Variants in KIRREL3 observed in about 807,000 individuals in gnomAD.
The protein encoded by KIRREL3 is kirre like nephrin family adhesion molecule 3.
Under a neutral mutation model 89.7 loss-of-function variants are expected in KIRREL3, and 36 were observed. The ratio of observed to expected loss-of-function variants is 0.40; its 90% CI spans 0.31 to 0.53. The LOEUF (loss-of-function observed/expected upper bound fraction) is 0.53, where lower values mean the gene tolerates loss of function less well. KIRREL3 is among the 20% of genes least tolerant of loss of function. KIRREL3 has a pLI of 0.49. For synonymous variants in KIRREL3, 445 were observed against 441.4 expected, an observed-to-expected ratio of 1.01 and a Z score of -0.10; for missense variants, 864 against 1,056.6, an observed-to-expected ratio of 0.82 and a Z score of 2.53.
In KIRREL3 at chr11:126,562,692, T is replaced by C; in HGVS notation, c.133+143A>G. 1.7e-6 allele frequency: 1 copy of C among 602,082 alleles called. No individual in the cohort carries two copies. Among genetic ancestry groups the C allele is most frequent in the East Asian group, 2.8e-5 (1 of 35,090 alleles). The allele number at this position is 602,082 out of a possible 1,614,324, so 37.3% of individuals were successfully genotyped here. Reference sequence around the variant, plus strand: ...TTCCCCATGTGATTGTACAAATGGCTTCATGGAAACCAAACTGGTCTTCCC... The same window carrying C: ...TTCCCCATGTGATTGTACAAATGGCCTCATGGAAACCAAACTGGTCTTCCC... On this transcript the variant is annotated intron_variant, in intron 2 of 16. Transcript: ENST00000525144. The surrounding 1 kb of genome is among the most constrained non-coding windows in gnomAD (Gnocchi z 4.7).
Position 126,703,295 on chromosome 11 carries a change from G to A in KIRREL3, c.56-140383C>T, listed in dbSNP as rs551891472. On this transcript the variant is annotated intron_variant, in intron 1 of 16. Coordinates refer to ENST00000525144, the MANE Select transcript of KIRREL3 (RefSeq NM_032531.4). The surrounding 1 kb of genome is among the most constrained non-coding windows in gnomAD (Gnocchi z 4.6). Reference sequence around the variant, plus strand: ...AAGGCTTACCATTTGCATGGTCTGCGGAGGAATGGTGCTCCTGAGAGCTGT... The same window carrying A: ...AAGGCTTACCATTTGCATGGTCTGCAGAGGAATGGTGCTCCTGAGAGCTGT... Among the ~76,000 whole-genome samples, 118 of 152,354 alleles carry A rather than the reference G, an allele frequency of 7.7e-4. No homozygotes were observed. The highest frequency in any genetic ancestry group is 2.6e-3 in the African/African-American group (109 of 41,586).
intron 1 of KIRREL3, among the ~76,000 whole-genome samples, chr11:126,567,796 C>G (rs926062763): frequency 1.3e-5 from 2 of 150,474 alleles, no homozygotes; most frequent in African/African-American, 4.8e-5. Context: ...TTGGCCAGGA[C>G]AGCACTTGCT....
intron 4 of KIRREL3, among the ~76,000 whole-genome samples, chr11:126,479,313 C>T (rs1007867159): frequency 5.3e-5 from 8 of 152,196 alleles, no homozygotes; most frequent in African/African-American, 1.7e-4. Flanking sequence ...GCCCTCCTGC[C>T]TCCCTCCCTC....
In KIRREL3 at chr11:126,890,241, C is replaced by G. The variant is rs191467743; in HGVS notation, c.55+110214G>C. ...GGCAGGTTCATGAAAGAGAAAGGGT[C>G]TTCTTCCTGAGCAGCCTTCCGAGAG... On this transcript the variant is annotated intron_variant, in intron 1 of 16. Coordinates refer to ENST00000525144, the MANE Select transcript of KIRREL3 (RefSeq NM_032531.4). This position sits in a 1 kb window ranked among gnomAD's most constrained non-coding sequence, Gnocchi z 5.1. 1.3e-5 allele frequency among the ~76,000 whole-genome samples: 2 copies of G among 152,228 alleles called. No homozygotes were observed. Among genetic ancestry groups the G allele is most frequent in the African/African-American group, 4.8e-5 (2 of 41,540 alleles).
At position 126,431,774 on chromosome 11, in the gene KIRREL3, G is replaced by A. The variant is rs1434584828; in HGVS notation, c.1589-248C>T. On this transcript the variant is annotated intron_variant, in intron 13 of 16. Coordinates refer to ENST00000525144, the MANE Select transcript of KIRREL3 (RefSeq NM_032531.4). This position sits in a 1 kb window ranked among gnomAD's most constrained non-coding sequence, Gnocchi z 7.1. ...AGAGGGCAGGGGAACTGAGGTAAAGGGCAGAGGAAGGAGAGCGAGGCAGGC... is the reference window on the plus strand; with the variant it reads ...AGAGGGCAGGGGAACTGAGGTAAAGAGCAGAGGAAGGAGAGCGAGGCAGGC... 6.6e-6 allele frequency among the ~76,000 whole-genome samples: 1 copy of A among 152,092 alleles called. No individual in the cohort carries two copies. Among genetic ancestry groups the A allele is most frequent in the Non-Finnish European group, 1.5e-5 (1 of 68,012 alleles).
chr11:126,986,134 T>C (rs933549534), intron 1 of KIRREL3, among the ~76,000 whole-genome samples: 1 of 152,148 alleles, frequency 6.6e-6, no homozygotes, highest in African/African-American at 2.4e-5. Flanking sequence ...AGGGGGCCTT[T>C]AAATCTGTGG....
intron 1 of KIRREL3, among the ~76,000 whole-genome samples, chr11:126,835,311 A>T (rs1943743096): frequency 6.6e-6 from 1 of 152,232 alleles, no homozygotes. Flanking sequence ...ATGCTAAGGT[A>T]TAGCCAAGGA....
rs1408439843 is a variant in KIRREL3 at position 126,812,080 on chromosome 11, T to C, written c.55+188375A>G. Among the ~76,000 whole-genome samples the C allele has an allele frequency of 2.0e-5, 3 of 152,212 alleles. No homozygotes were observed. The highest frequency in any genetic ancestry group is 2.9e-5 in the Non-Finnish European group (2 of 68,040). On this transcript the variant is annotated intron_variant, in intron 1 of 16. Coordinates refer to ENST00000525144, the MANE Select transcript of KIRREL3 (RefSeq NM_032531.4). The surrounding 1 kb of genome is among the most constrained non-coding windows in gnomAD (Gnocchi z 5.2). ...AGAGAATCTTCAAACTCAATATGCA[T>C]AAGAACAATTTATCCTGATGACCAG...
intron 1 of KIRREL3, among the ~76,000 whole-genome samples, chr11:126,957,732 A>G (rs1948966222): frequency 6.6e-6 from 1 of 152,200 alleles, no homozygotes; most frequent in Non-Finnish European, 1.5e-5. Flanking sequence ...AGAGAGCTCT[A>G]AGGTCAGGTC....
At chr11:126,721,320 C>G (rs1451941157) in intron 1 of KIRREL3, among the ~76,000 whole-genome samples, 1 of 152,008 alleles carries the variant, frequency 6.6e-6, no homozygotes, top group Non-Finnish European at 1.5e-5. Flanking sequence ...CATCTGAGGT[C>G]GGGAGTTCGA....
In KIRREL3 at chr11:126,606,978, G is replaced by T. The variant is rs1259673840; in HGVS notation, c.56-44066C>A. On this transcript the variant is annotated intron_variant, in intron 1 of 16. Transcript: ENST00000525144. The surrounding 1 kb of genome is among the most constrained non-coding windows in gnomAD (Gnocchi z 4.6). ...GCTGAAGTAAGCAGCTTTGGAACCT[G>T]CCTATCACATGGCCGGGTATTCCAG... is the stretch of plus-strand genomic sequence containing the variant. 6.6e-6 allele frequency among the ~76,000 whole-genome samples: 1 copy of T among 152,138 alleles called. No individual in the cohort carries two copies.
chr11:126,979,075 T>G (rs1949655181), intron 1 of KIRREL3, among the ~76,000 whole-genome samples: 1 of 152,186 alleles, frequency 6.6e-6, no homozygotes, highest in Non-Finnish European at 1.5e-5. Flanking sequence ...CAAACAGCTA[T>G]TAAGGACATA....
At chr11:126,657,063 A>G (rs1398333900) in intron 1 of KIRREL3, among the ~76,000 whole-genome samples, 1 of 152,064 alleles carries the variant, frequency 6.6e-6, no homozygotes, top group Non-Finnish European at 1.5e-5. Flanking sequence ...CTCAAAAAAA[A>G]AGAAACAAAA....
In KIRREL3 at chr11:126,762,071, C is replaced by A. The variant is rs1218803111; in HGVS notation, c.56-199159G>T. On this transcript the variant is annotated intron_variant, in intron 1 of 16. Coordinates refer to ENST00000525144, the MANE Select transcript of KIRREL3 (RefSeq NM_032531.4). ...GTGTGCAACTGGCTACCACCAGTTG[C>A]ATGTTGAGGCATGAGAATCACGGAA... Among the ~76,000 whole-genome samples the A allele has an allele frequency of 2.0e-5, 3 of 152,064 alleles. No homozygotes were observed. In the East Asian group the frequency reaches 5.8e-4, roughly 29 times the overall value.
Position 126,535,827 on chromosome 11 carries a change from A to G in KIRREL3, c.134-9140T>C, listed in dbSNP as rs1222931653. Among the ~76,000 whole-genome samples the G allele has an allele frequency of 6.6e-6, 1 of 152,182 alleles. No homozygotes were observed. The highest frequency in any genetic ancestry group is 1.5e-5 in the Non-Finnish European group (1 of 68,032). On this transcript the variant is annotated intron_variant, in intron 2 of 16. Coordinates refer to ENST00000525144, the MANE Select transcript of KIRREL3 (RefSeq NM_032531.4). This position sits in a 1 kb window ranked among gnomAD's most constrained non-coding sequence, Gnocchi z 4.5. ...TGGTGAAACCCCGTCTCTACTAAAA[A>G]TACAAAAATTAGCGGGACATGGTGG... is the stretch of plus-strand genomic sequence containing the variant.
rs997597468 is a variant in KIRREL3 at position 126,606,708 on chromosome 11, C to T, written c.56-43796G>A. On this transcript the variant is annotated intron_variant, in intron 1 of 16. Coordinates refer to ENST00000525144, the MANE Select transcript of KIRREL3 (RefSeq NM_032531.4). The surrounding 1 kb of genome is among the most constrained non-coding windows in gnomAD (Gnocchi z 4.6). ...AAGGTTGGCAGTGAGGGGAGAGACCCAGGGGAGGGATCATGCTTAACATTC... is the reference window on the plus strand; with the variant it reads ...AAGGTTGGCAGTGAGGGGAGAGACCTAGGGGAGGGATCATGCTTAACATTC... 1.3e-5 allele frequency among the ~76,000 whole-genome samples: 2 copies of T among 152,172 alleles called. No homozygotes were observed. Among genetic ancestry groups the T allele is most frequent in the Non-Finnish European group, 2.9e-5 (2 of 68,036 alleles).
intron 8 of KIRREL3, among the ~76,000 whole-genome samples, chr11:126,447,111 G>A (rs752767598): frequency 2.2e-4 from 33 of 152,164 alleles, no homozygotes; most frequent in African/African-American, 2.9e-4. Context: ...CTGAGGCTTC[G>A]CCTCTCTTGG....
intron 1 of KIRREL3, among the ~76,000 whole-genome samples, chr11:126,583,966 C>A (rs576064887): frequency 7.2e-5 from 11 of 151,984 alleles, no homozygotes; most frequent in African/African-American, 2.6e-4. Context: ...TTATTTCCTC[C>A]GCGGCAACTA....
intron 1 of KIRREL3, among the ~76,000 whole-genome samples, chr11:126,871,170 C>T (rs577603028): frequency 4.6e-5 from 7 of 152,272 alleles, no homozygotes; most frequent in African/African-American, 7.2e-5. Context: ...AGGACACTGC[C>T]GTCTGCTCTG....
Sources: allele counts gnomAD v4.1 joint callset (sites outside exome capture counted in the v4.1 genomes callset), GRCh38; gene constraint gnomAD v4.1.1; non-coding constraint Gnocchi (gnomAD v3.1); transcripts MANE v1.5; gene names NCBI Gene and HGNC (gene_info 2026-07-23, HGNC 2026-07-21).